The following CLDN16 variants were observed in gnomAD, a reference collection of about 807,000 sequenced individuals.
The protein encoded by CLDN16 is claudin 16, also known as claudin-16.
In CLDN16, 13 loss-of-function variants were observed where a neutral mutation model predicts 24.6. That is an observed-to-expected ratio of 0.53 (90% CI 0.34 to 0.84). CLDN16 has a LOEUF of 0.84. Among genes scored for constraint, CLDN16 ranks in the 40% least tolerant of loss-of-function variants. The pLI, the probability that CLDN16 is intolerant of heterozygous loss-of-function variation, is 0.01. For synonymous variants in CLDN16, 116 were observed against 106.7 expected, an observed-to-expected ratio of 1.09 and a Z score of -0.54; for missense variants, 298 against 292.7, an observed-to-expected ratio of 1.02 and a Z score of -0.13.
chr3:190,293,711 A>G, the CLDN16 span, among the ~76,000 whole-genome samples: 1 of 152,204 alleles, frequency 6.6e-6, no homozygotes. Flanking sequence ...TGGATTGGAC[A>G]TAGCGTATGA....
At position 190,333,689 on chromosome 3, in the gene CLDN16, T is replaced by C. The variant is rs190982381; in HGVS notation, n.121+11028T>C. 1.8e-3 allele frequency among the ~76,000 whole-genome samples: 281 copies of C among 152,264 alleles called. 3 individuals are homozygous for C. Among genetic ancestry groups the C allele is most frequent in the Non-Finnish European group, 6.0e-4 (41 of 68,010 alleles). On this transcript the variant is annotated intron_variant and non_coding_transcript_variant, in intron 1 of 4. Transcript: ENST00000468220. ...CACTTACTAAAATCTTATCATAACGTGGAGTTCTTTCTCTGATAATGAAAA... is the reference window on the plus strand; with the variant it reads ...CACTTACTAAAATCTTATCATAACGCGGAGTTCTTTCTCTGATAATGAAAA...
chr3:190,395,230 T>C (rs748464961), intron 1 of CLDN16, among the ~76,000 whole-genome samples: 33 of 152,096 alleles, frequency 2.2e-4, no homozygotes, highest in Non-Finnish European at 3.7e-4. Context: ...AAGTTGGCAT[T>C]ACCCATTTCT....
At chr3:190,300,071 C>A in the CLDN16 span, among the ~76,000 whole-genome samples, 1 of 152,206 alleles carries the variant, frequency 6.6e-6, no homozygotes, top group Non-Finnish European at 1.5e-5. Flanking sequence ...AACCAAAGCT[C>A]TATTGGCTAA....
At chr3:190,403,882 A>G (rs1463790195) in intron 2 of CLDN16, among the ~76,000 whole-genome samples, 2 of 152,220 alleles carry the variant, frequency 1.3e-5, no homozygotes, top group Non-Finnish European at 2.9e-5. Context: ...AAATTCATTA[A>G]AATGGATTTT....
At chr3:190,303,947 G>A in the CLDN16 span, among the ~76,000 whole-genome samples, 3 of 152,242 alleles carry the variant, frequency 2.0e-5, no homozygotes, top group South Asian at 6.2e-4. Flanking sequence ...ATTAGGGAAA[G>A]GGTGAACTGA....
chr3:190,297,927 C>T, the CLDN16 span, among the ~76,000 whole-genome samples: 1 of 151,738 alleles, frequency 6.6e-6, no homozygotes, highest in Non-Finnish European at 1.5e-5. Context: ...GGCTACATAG[C>T]TAATGAAGTA....
chr3:190,320,100 C>T (rs1164281025), upstream of CLDN16, among the ~76,000 whole-genome samples: 1 of 152,104 alleles, frequency 6.6e-6, no homozygotes, highest in Admixed American at 6.5e-5. Flanking sequence ...AGTCCTTTCA[C>T]CCTAGTTTTA....
intron 1 of CLDN16, among the ~76,000 whole-genome samples, chr3:190,323,020 AC>A (rs1489771057): frequency 6.7e-6 from 1 of 150,074 alleles, no homozygotes; most frequent in African/African-American, 2.5e-5. Context: ...ACACACACAC[AC>A]ACACACAGAC....
intron 1 of CLDN16, among the ~76,000 whole-genome samples, chr3:190,348,585 TCCCATTAAAATAAAAACTATG>T (rs1219634725): frequency 2.6e-5 from 4 of 152,170 alleles, no homozygotes; most frequent in African/African-American, 9.7e-5. Context: ...TGTCTGTTTA[TCCCATTAAAATAAAAACTATG>T]CCCCCATTGC....
At chr3:190,323,528 T>C (rs1425772303) in intron 1 of CLDN16, among the ~76,000 whole-genome samples, 1 of 152,208 alleles carries the variant, frequency 6.6e-6, no homozygotes, top group Non-Finnish European at 1.5e-5. Flanking sequence ...ATCATTGAAA[T>C]GTTTTTCCAA....
In CLDN16 at chr3:190,324,122, T is replaced by C. The variant is rs544083096; in HGVS notation, n.121+1461T>C. ...CTAGAGCAGTACCATGTGAATCATA[T>C]AATCTCATTTTCTTCTTTTTTTTGT... On this transcript the variant is annotated intron_variant and non_coding_transcript_variant, in intron 1 of 4. Transcript: ENST00000468220. 2.8e-3 allele frequency among the ~76,000 whole-genome samples: 430 copies of C among 151,630 alleles called. 2 individuals carry two copies. Among genetic ancestry groups the C allele is most frequent in the African/African-American group, 1.0e-2 (415 of 41,526 alleles).
At chr3:190,401,259 CCAAA>C (rs757134079) in intron 1 of CLDN16, among the ~76,000 whole-genome samples, 28,131 of 77,956 alleles carry the variant, frequency 0.36, 3,051 homozygotes, top group East Asian at 0.63. Context: ...ATTTTATTTT[CCAAA>C]GCAAAGTGTT....
chr3:190,387,900 C>T (rs1296230996), upstream of CLDN16: 7 of 582,228 alleles, frequency 1.2e-5, no homozygotes, highest in Non-Finnish European at 2.2e-5. Flanking sequence ...GAGAATAGCT[C>T]ACTCTCCCTA....
chr3:190,382,277 A>G (rs1718386569), intron 3 of CLDN16, among the ~76,000 whole-genome samples: 1 of 152,110 alleles, frequency 6.6e-6, no homozygotes, highest in South Asian at 2.1e-4. Context: ...ACCATGATGA[A>G]CATCTTGTTT....
intron 1 of CLDN16, among the ~76,000 whole-genome samples, chr3:190,350,507 C>T (rs189225702): frequency 6.6e-6 from 1 of 152,022 alleles, no homozygotes; most frequent in Admixed American, 6.6e-5. Context: ...AAAAAGTATT[C>T]GATACCAAAA....
chr3:190,389,303 A>T (rs1413070843), intron 1 of CLDN16, among the ~76,000 whole-genome samples: 1 of 152,236 alleles, frequency 6.6e-6, no homozygotes, highest in Non-Finnish European at 1.5e-5. Flanking sequence ...AAGAGCTCAA[A>T]AAAAGGAGTA....
At position 190,410,506 on chromosome 3, in the gene CLDN16, T is replaced by C. The variant is rs199716341; in HGVS notation, c.*470T>C. Reference sequence around the variant, plus strand: ...ATTTGATAATTTTGAGGAAGATTATTCTTTTAAATTCAAACTAGTATGTCA... The same window carrying C: ...ATTTGATAATTTTGAGGAAGATTATCCTTTTAAATTCAAACTAGTATGTCA... On this transcript the variant is annotated 3_prime_UTR_variant, in exon 5 of 5. Transcript: ENST00000264734. 3.1e-5 allele frequency: 5 copies of C among 160,634 alleles called. No individual in the cohort carries two copies. The East Asian group carries it at 8.9e-4, about 28-fold the overall frequency. The allele number at this position is 160,634 out of a possible 1,614,324, so 10.0% of individuals were successfully genotyped here. A position where few individuals can be genotyped will look rare whatever the true frequency, so the allele number is the denominator to read the frequency against.
intron 1 of CLDN16, among the ~76,000 whole-genome samples, chr3:190,324,707 G>A (rs562085408): frequency 1.3e-5 from 2 of 152,286 alleles, no homozygotes; most frequent in Non-Finnish European, 2.9e-5. Context: ...AACCATGTTT[G>A]TGAGGCTGAG....
In CLDN16 at chr3:190,353,031, G is replaced by A. The variant is rs149510537; in HGVS notation, n.122-17862G>A. ...TCCTCCTCAGCTCTTAATAAAATAC[G>A]CAACCAATAGTAAGTGTTCATTAAT... On this transcript the variant is annotated intron_variant and non_coding_transcript_variant, in intron 1 of 4. Coordinates refer to the CLDN16 transcript ENST00000468220. 1.7e-3 allele frequency among the ~76,000 whole-genome samples: 251 copies of A among 151,900 alleles called. 2 individuals carry two copies. The highest frequency in any genetic ancestry group is 4.9e-3 in the African/African-American group (203 of 41,428).
Sources: allele counts gnomAD v4.1 joint callset (sites outside exome capture counted in the v4.1 genomes callset), GRCh38; gene constraint gnomAD v4.1.1; transcripts MANE v1.5; gene names NCBI Gene and HGNC (gene_info 2026-07-23, HGNC 2026-07-21).